Variants in XRCC4 observed in about 807,000 individuals in gnomAD.
XRCC4 encodes DNA repair protein XRCC4.
XRCC4 carries 28 observed loss-of-function variants against 39.1 expected under a neutral mutation model. The ratio of observed to expected loss-of-function variants is 0.72; its 90% CI spans 0.53 to 0.98. The LOEUF (loss-of-function observed/expected upper bound fraction) is 0.98. XRCC4 is among the 50% of genes least tolerant of loss of function. XRCC4 has a pLI of 0.00. For missense variants in XRCC4, 350 were observed against 376.4 expected (o/e 0.93, Z 0.58); for synonymous variants, 123 against 126.4 (o/e 0.97, Z 0.18).
intron 1 of XRCC4, 92 bp from the exon 2 acceptor site, chr5:83,104,818 C>T: frequency 5.2e-6 from 6 of 1,162,822 alleles, no homozygotes; most frequent in East Asian, 5.0e-5. Context: ...TTCTTATTTC[C>T]TTGGTGTTTG....
At chr5:83,300,027 AT>A in intron 7 of XRCC4, among the ~76,000 whole-genome samples, 1 of 152,316 alleles carries the variant, frequency 6.6e-6, no homozygotes, top group Non-Finnish European at 1.5e-5. Flanking sequence ...TTCCTGAAAA[AT>A]ATTTGTCTTT....
intron 7 of XRCC4, among the ~76,000 whole-genome samples, chr5:83,336,352 A>G (rs1756594475): frequency 6.6e-6 from 1 of 152,100 alleles, no homozygotes; most frequent in Non-Finnish European, 1.5e-5. Context: ...AACTTTCCTA[A>G]TTCCAGACAA....
At chr5:83,120,424 T>C (rs966571126) in intron 3 of XRCC4, among the ~76,000 whole-genome samples, 4 of 152,220 alleles carry the variant, frequency 2.6e-5, no homozygotes, top group Non-Finnish European at 4.4e-5. Context: ...GGCTCCCAAC[T>C]ACCTGTTTTC....
chr5:83,214,267 T>C (rs2112765649), intron 6 of XRCC4, among the ~76,000 whole-genome samples: 1 of 152,262 alleles, frequency 6.6e-6, no homozygotes, highest in African/African-American at 2.4e-5. Flanking sequence ...AAAACTTCCT[T>C]TTTGCAGATG....
At chr5:83,118,287 A>C (rs1746838596) in intron 3 of XRCC4, among the ~76,000 whole-genome samples, 1 of 150,694 alleles carries the variant, frequency 6.6e-6, no homozygotes, top group South Asian at 2.1e-4. Context: ...TTCTTTGATC[A>C]TGTTCCCTTG....
At chr5:83,371,631 G>A in the XRCC4 span, among the ~76,000 whole-genome samples, 1 of 152,196 alleles carries the variant, frequency 6.6e-6, no homozygotes, top group Admixed American at 6.5e-5. Flanking sequence ...GGAGTGATGG[G>A]ACAGAAACCA....
chr5:83,128,604 T>G (rs1435344472), intron 3 of XRCC4, among the ~76,000 whole-genome samples: 1 of 152,178 alleles, frequency 6.6e-6, no homozygotes, highest in Non-Finnish European at 1.5e-5. Context: ...TGTAAAAGTG[T>G]TCCTAATTCT....
intron 5 of XRCC4, among the ~76,000 whole-genome samples, chr5:83,203,992 T>TA (rs996538294): frequency 3.3e-5 from 5 of 151,592 alleles, no homozygotes; most frequent in Non-Finnish European, 5.9e-5. Context: ...CATACTAATT[T>TA]AAAAAAAAAC....
At chr5:83,092,999 A>G (rs1284533714) in intron 1 of XRCC4, among the ~76,000 whole-genome samples, 2 of 140,160 alleles carry the variant, frequency 1.4e-5, no homozygotes, top group Non-Finnish European at 3.1e-5. Flanking sequence ...ATAAAAGACA[A>G]GGAGTAAATG....
intron 7 of XRCC4, among the ~76,000 whole-genome samples, chr5:83,305,281 C>G (rs1755441299): frequency 6.6e-6 from 1 of 151,290 alleles, no homozygotes; most frequent in East Asian, 1.9e-4. Context: ...CCCACAGTAA[C>G]TTCAGGTTTT....
intron 4 of XRCC4, among the ~76,000 whole-genome samples, chr5:83,197,678 CTTG>C (rs917786042): frequency 3.3e-5 from 5 of 152,198 alleles, no homozygotes; most frequent in East Asian, 3.9e-4. Flanking sequence ...GTGCTTTTGT[CTTG>C]TTGTGAAGAG....
intron 6 of XRCC4, among the ~76,000 whole-genome samples, chr5:83,250,591 C>A (rs1369746047): frequency 6.6e-6 from 1 of 152,182 alleles, no homozygotes; most frequent in Non-Finnish European, 1.5e-5. Context: ...TGCTTGAGGG[C>A]TACCCAAAAG....
At chr5:83,326,532 A>C (rs760077874) in intron 7 of XRCC4, among the ~76,000 whole-genome samples, 2 of 152,066 alleles carry the variant, frequency 1.3e-5, no homozygotes, top group African/African-American at 2.4e-5. Context: ...TATAGCATTT[A>C]ATATTCTTTA....
At chr5:83,252,462 T>C (rs1334930096) in intron 6 of XRCC4, among the ~76,000 whole-genome samples, 3 of 148,120 alleles carry the variant, frequency 2.0e-5, no homozygotes, top group East Asian at 3.9e-4. Flanking sequence ...TTATCTTACT[T>C]TTTTTTTTTG....
intron 3 of XRCC4, among the ~76,000 whole-genome samples, chr5:83,128,159 T>G (rs931810608): frequency 7.2e-5 from 11 of 152,072 alleles, no homozygotes; most frequent in Admixed American, 6.6e-4. Flanking sequence ...GTGTGTGATG[T>G]TCCCCATCCT....
Position 83,310,961 on chromosome 5 carries a change from C to T in XRCC4, c.894-42170C>T, listed in dbSNP as rs28360297. The T allele has an allele frequency of 1.5e-3, 623 of 411,766 alleles. 2 individuals are homozygous for T. Among genetic ancestry groups the T allele is most frequent in the Non-Finnish European group, 1.7e-3 (350 of 206,186 alleles). 25.5% of individuals were successfully genotyped at this position (411,766 alleles called of 1,614,324 possible). On this transcript the variant is annotated intron_variant, in intron 7 of 7. Coordinates refer to ENST00000396027, the MANE Select transcript of XRCC4 (RefSeq NM_003401.5). The stretch of plus-strand genomic sequence containing the variant: ...GAAACTGATCTTCCCTTCGAGCCTC[C>T]GGAGGGAGTGTAGCCCTGCCAACAC...
intron 3 of XRCC4, among the ~76,000 whole-genome samples, chr5:83,183,412 TTGTGTGTGTG>T (rs369446374): frequency 0.044 from 6,123 of 139,402 alleles, 413 homozygotes; most frequent in African/African-American, 0.15. Flanking sequence ...TTTCATTTAT[TTGTGTGTGTG>T]TGTGTGTGTG....
intron 3 of XRCC4, among the ~76,000 whole-genome samples, chr5:83,122,720 C>T (rs1747069442): frequency 6.6e-6 from 1 of 152,114 alleles, no homozygotes; most frequent in Non-Finnish European, 1.5e-5. Context: ...CTTCATTCCT[C>T]ACATTTTGGT....
intron 7 of XRCC4, among the ~76,000 whole-genome samples, chr5:83,263,197 G>A (rs1415849452): frequency 2.0e-5 from 3 of 150,736 alleles, no homozygotes; most frequent in East Asian, 3.9e-4. Flanking sequence ...TGGCTGCATA[G>A]TATTCCATGG....
Sources: allele counts gnomAD v4.1 joint callset (sites outside exome capture counted in the v4.1 genomes callset), GRCh38; gene constraint gnomAD v4.1.1; transcripts MANE v1.5; gene names NCBI Gene and HGNC (gene_info 2026-07-23, HGNC 2026-07-21).